Variants in FYCO1 observed in about 807,000 individuals in gnomAD.
The protein encoded by FYCO1 is FYVE and coiled-coil domain autophagy adaptor 1, also known as FYVE and coiled-coil domain-containing protein 1.
FYCO1 carries 122 observed loss-of-function variants against 165.1 expected under a neutral mutation model. That is an observed-to-expected ratio of 0.74 (90% CI 0.64 to 0.86). FYCO1 has a LOEUF of 0.86. Among genes scored for constraint, FYCO1 ranks in the 40% least tolerant of loss-of-function variants. The pLI is 0.00. For synonymous variants in FYCO1, 648 were observed against 742.5 expected, an observed-to-expected ratio of 0.87 and a Z score of 2.07; for missense variants, 1,702 against 1,810.3, an observed-to-expected ratio of 0.94 and a Z score of 1.09.
chr3:45,935,484 T>C (rs1299290849), intron 15 of FYCO1, among the ~76,000 whole-genome samples: 1 of 152,204 alleles, frequency 6.6e-6, no homozygotes, highest in East Asian at 1.9e-4. Context: ...GCTGGCCCTT[T>C]TCTCAGCCCC....
chr3:45,922,381 C>A (rs1331577623), intron 17 of FYCO1, among the ~76,000 whole-genome samples: 1 of 152,242 alleles, frequency 6.6e-6, no homozygotes, highest in Non-Finnish European at 1.5e-5. Flanking sequence ...CTCATCACAT[C>A]TCTCCTTGGT....
intron 11 of FYCO1, among the ~76,000 whole-genome samples, chr3:45,960,290 G>T (rs1036954620): frequency 4.6e-5 from 7 of 152,198 alleles, no homozygotes; most frequent in African/African-American, 1.7e-4. Context: ...CGTGGCTCTA[G>T]CAGCACCTCA....
chr3:45,978,992 G>T, intron 4 of FYCO1, among the ~76,000 whole-genome samples: 1 of 151,944 alleles, frequency 6.6e-6, no homozygotes, highest in Non-Finnish European at 1.5e-5. Flanking sequence ...GCGTAGCTGG[G>T]ACTACAGGCG....
chr3:45,970,712 C>T (rs920581529), intron 6 of FYCO1, among the ~76,000 whole-genome samples: 1 of 152,134 alleles, frequency 6.6e-6, no homozygotes, highest in Non-Finnish European at 1.5e-5. Context: ...AGCTGTGTTC[C>T]ACACAGCCCT....
At chr3:45,944,651 G>A (rs1014089165) in intron 14 of FYCO1, among the ~76,000 whole-genome samples, 3 of 151,998 alleles carry the variant, frequency 2.0e-5, no homozygotes, top group African/African-American at 7.3e-5. Flanking sequence ...CACTGTCCAG[G>A]CCCAATCTGT....
rs1478624276 is a variant in FYCO1 at position 45,920,808 on chromosome 3, G to C, written c.*957C>G. 1 of 152,612 alleles carries C rather than the reference G, an allele frequency of 6.6e-6. No homozygotes were observed. Among genetic ancestry groups the C allele is most frequent in the Non-Finnish European group, 1.5e-5 (1 of 68,046 alleles). 9.5% of individuals were successfully genotyped at this position (152,612 alleles called of 1,614,324 possible). On this transcript the variant is annotated 3_prime_UTR_variant, in exon 18 of 18. Transcript: ENST00000296137. ...ATGTTTGAAAGTGGTTCTAATCCTG[G>C]CTATGATCATTAGTAAACATGTCTG...
At chr3:45,972,415 T>C (rs1706493601) in intron 6 of FYCO1, among the ~76,000 whole-genome samples, 1 of 152,256 alleles carries the variant, frequency 6.6e-6, no homozygotes, top group African/African-American at 2.4e-5. Context: ...AAAATATGAA[T>C]GTTAAATTTT....
intron 14 of FYCO1, among the ~76,000 whole-genome samples, chr3:45,953,522 A>G (rs1398616690): frequency 6.6e-6 from 1 of 152,210 alleles, no homozygotes; most frequent in Non-Finnish European, 1.5e-5. Context: ...CATATTTTTA[A>G]AAACTGACCT....
chr3:45,975,226 G>T lies in FYCO1; in HGVS notation c.395+13C>A. 6.4e-7 allele frequency: 1 copy of T among 1,565,926 alleles called. No individual in the cohort carries two copies. On this transcript the variant is annotated intron_variant, in intron 5 of 17. Transcript: ENST00000296137. ...CGGGATGATCCCAAACCCCAGCCCT[G>T]TCCTGTATTTACCTGGTCACTTTGG... is the stretch of plus-strand genomic sequence containing the variant.
chr3:45,947,786 C>T (rs1315056020), intron 14 of FYCO1: 1 of 430,048 alleles, frequency 2.3e-6, no homozygotes, highest in Non-Finnish European at 4.4e-6. Flanking sequence ...TGACATGTGA[C>T]TCCTATGATC....
At chr3:45,923,550 T>A (rs990365768) in intron 17 of FYCO1, 106 bp downstream of exon 17, 5 of 779,394 alleles carry the variant, frequency 6.4e-6, no homozygotes, top group African/African-American at 1.7e-5. Context: ...GAACAATTAA[T>A]AATAAGTTAC....
chr3:45,969,304 C>T (rs1575373861), intron 7 of FYCO1, among the ~76,000 whole-genome samples: 1 of 152,186 alleles, frequency 6.6e-6, no homozygotes, highest in Admixed American at 6.5e-5. Flanking sequence ...ATGCGCACTC[C>T]TCATTTATGA....
Position 45,964,444 on chromosome 3 carries a change from G to A in FYCO1, c.3161C>T (p.Ala1054Val), listed in dbSNP as rs755267465. The A allele has an allele frequency of 6.2e-7, 1 of 1,613,952 alleles. No homozygotes were observed. The highest frequency in any genetic ancestry group is 8.5e-7 in the Non-Finnish European group (1 of 1,179,846). Residue 1054 changes from alanine to valine, a missense_variant, in exon 10 of 18, where the codon GCA (alanine) becomes GTA (valine). Coordinates refer to ENST00000296137, the MANE Select transcript of FYCO1 (RefSeq NM_024513.4). This position sits in a 1 kb window ranked among gnomAD's most constrained non-coding sequence, Gnocchi z 4.1. ...GCAGCTCAGCTTCTCTCCCATGTCT[G>A]CTTGGGTGGCCTGGCACAGGACGTC... ...EAVEKLKATQ[A>V]DMGEKLSCTS...
intron 15 of FYCO1, among the ~76,000 whole-genome samples, chr3:45,934,661 A>G (rs573649336): frequency 6.6e-6 from 1 of 152,350 alleles, no homozygotes; most frequent in Admixed American, 6.5e-5. Flanking sequence ...AATGCAATCC[A>G]TCATATCAAC....
At chr3:45,979,233 T>C (rs1050186242) in intron 4 of FYCO1, among the ~76,000 whole-genome samples, 5 of 152,240 alleles carry the variant, frequency 3.3e-5, no homozygotes, top group Non-Finnish European at 7.3e-5. Context: ...AAGTAGAAAG[T>C]TGGCACATCA....
intron 4 of FYCO1, among the ~76,000 whole-genome samples, chr3:45,979,180 C>A (rs1216780568): frequency 6.6e-6 from 1 of 152,184 alleles, no homozygotes; most frequent in East Asian, 1.9e-4. Context: ...TTTTGTAAAA[C>A]AGCAAAGCCA....
In FYCO1 at chr3:45,962,170, G is replaced by A. The variant is rs1179976689; in HGVS notation, c.3437+55C>T. On this transcript the variant is annotated intron_variant, in intron 11 of 17. Transcript: ENST00000296137. The surrounding 1 kb of genome is among the most constrained non-coding windows in gnomAD (Gnocchi z 4.4). Reference sequence around the variant, plus strand: ...TTTCAAGAACAGCTGCATTTCTTTAGAGAAAAACCCCAGTGTGGGGAAAAC... The same window carrying A: ...TTTCAAGAACAGCTGCATTTCTTTAAAGAAAAACCCCAGTGTGGGGAAAAC... The A allele has an allele frequency of 2.3e-5, 37 of 1,583,158 alleles. No individual in the cohort carries two copies. The Admixed American group carries it at 5.7e-4, about 24-fold the overall frequency.
At chr3:45,947,076 G>C (rs1338279242) in intron 14 of FYCO1, 1 of 1,614,188 alleles carries the variant, frequency 6.2e-7, no homozygotes, top group South Asian at 1.1e-5. Flanking sequence ...GATGACACTG[G>C]GGTTCTTCTT....
intron 14 of FYCO1, among the ~76,000 whole-genome samples, chr3:45,951,763 G>A (rs1420922349): frequency 6.6e-6 from 1 of 152,190 alleles, no homozygotes; most frequent in Non-Finnish European, 1.5e-5. Context: ...TTCTAGGTCT[G>A]AGCCATGCAC....
Sources: gnomAD v4.1 joint callset for allele counts (sites outside exome capture counted in the v4.1 genomes callset) on GRCh38, gnomAD v4.1.1 for gene constraint, Gnocchi (gnomAD v3.1) non-coding constraint, MANE v1.5 for transcripts, NCBI Gene and HGNC (gene_info 2026-07-23, HGNC 2026-07-21) for gene names.